The following ARL15 variants were observed in gnomAD, a reference collection of about 807,000 sequenced individuals.
The protein encoded by ARL15 is ARF like GTPase 15.
In ARL15, 19 loss-of-function variants were observed where a neutral mutation model predicts 25.2. The observed-to-expected ratio is 0.75, with a 90% CI of 0.53 to 1.10. ARL15 has a LOEUF of 1.10. ARL15 is among the 50% of genes least tolerant of loss of function. ARL15 has a pLI of 0.00. For missense variants in ARL15, 220 were observed against 246.0 expected (o/e 0.89, Z 0.71); for synonymous variants, 94 against 86.8 (o/e 1.08, Z -0.46).
At chr5:54,025,360 T>C (rs1749759607) in intron 4 of ARL15, among the ~76,000 whole-genome samples, 1 of 148,946 alleles carries the variant, frequency 6.7e-6, no homozygotes, top group South Asian at 2.2e-4. Flanking sequence ...ACAGCAAACC[T>C]AATATCATGG....
At chr5:54,212,695 GC>G (rs1756077581) in intron 1 of ARL15, among the ~76,000 whole-genome samples, 1 of 152,174 alleles carries the variant, frequency 6.6e-6, no homozygotes, top group African/African-American at 2.4e-5. Flanking sequence ...GGCATAATCT[GC>G]TCAAAGAAAA....
intron 4 of ARL15, among the ~76,000 whole-genome samples, chr5:53,989,903 C>A (rs1028983632): frequency 6.6e-6 from 1 of 152,058 alleles, no homozygotes; most frequent in Non-Finnish European, 1.5e-5. Flanking sequence ...AAGAACAGGG[C>A]AGTAATTAGC....
intron 4 of ARL15, among the ~76,000 whole-genome samples, chr5:53,965,605 G>A (rs996240630): frequency 2.6e-5 from 4 of 151,860 alleles, no homozygotes; most frequent in African/African-American, 9.7e-5. Context: ...GTGCATTTTG[G>A]GATTCTATTT....
rs190077499 is a variant in ARL15 at position 53,949,826 on chromosome 5, G to T, written c.463-63113C>A. On this transcript the variant is annotated intron_variant, in intron 4 of 4. Coordinates refer to ENST00000504924, the MANE Select transcript of ARL15 (RefSeq NM_019087.3). ...TTTCTCCAAGTTAGAAATACTATAAGTAACTCTTTCCAAAAGACTGCTCGT... is the reference window on the plus strand; with the variant it reads ...TTTCTCCAAGTTAGAAATACTATAATTAACTCTTTCCAAAAGACTGCTCGT... Among the ~76,000 whole-genome samples, 620 of 152,216 alleles carry T rather than the reference G, an allele frequency of 4.1e-3. 7 individuals carry two copies. The highest frequency in any genetic ancestry group is 0.017 in the South Asian group (82 of 4,824).
intron 1 of ARL15, chr5:54,286,470 C>CTGTGAAA (rs1300303598): frequency 6.6e-6 from 1 of 152,188 alleles, no homozygotes; most frequent in African/African-American, 2.4e-5. Context: ...CACATGATCT[C>CTGTGAAA]TGTGAAATTC....
At chr5:54,084,489 A>G (rs1751900668) in intron 4 of ARL15, among the ~76,000 whole-genome samples, 1 of 151,932 alleles carries the variant, frequency 6.6e-6, no homozygotes, top group African/African-American at 2.4e-5. Context: ...TAAGGGAAAA[A>G]GCACAACAGA....
intron 4 of ARL15, among the ~76,000 whole-genome samples, chr5:54,089,679 A>C (rs552281708): frequency 9.3e-4 from 141 of 152,302 alleles, no homozygotes; most frequent in African/African-American, 3.0e-3. Flanking sequence ...AATCCTATTC[A>C]AAATTGTCCA....
intron 1 of ARL15, among the ~76,000 whole-genome samples, chr5:54,200,017 C>T (rs1033736979): frequency 6.6e-6 from 1 of 151,018 alleles, no homozygotes; most frequent in Non-Finnish European, 1.5e-5. Flanking sequence ...AATTGGAAAT[C>T]ATCACTCTCA....
intron 1 of ARL15, among the ~76,000 whole-genome samples, chr5:54,185,177 C>G (rs1464303736): frequency 6.6e-6 from 1 of 152,146 alleles, no homozygotes; most frequent in African/African-American, 2.4e-5. Context: ...ATACATGGCC[C>G]TCAAGGCAAT....
rs200975809 is a variant in ARL15 at position 53,934,355 on chromosome 5, T to C, written c.463-47642A>G. Among the ~76,000 whole-genome samples the C allele has an allele frequency of 5.9e-5, 9 of 152,248 alleles. No individual in the cohort carries two copies. In the East Asian group the frequency reaches 1.4e-3, roughly 23 times the overall value. On this transcript the variant is annotated intron_variant, in intron 4 of 4. Transcript: ENST00000504924. ...CTGTCATTTCATGAGAAATCTTAAG[T>C]ATGTAACCACATACCAACTTAAAAG...
chr5:53,981,020 C>G (rs943103051), intron 4 of ARL15, among the ~76,000 whole-genome samples: 9 of 152,090 alleles, frequency 5.9e-5, no homozygotes, highest in African/African-American at 2.2e-4. Flanking sequence ...TGCCCTGCCC[C>G]CTTTGCCAGA....
At chr5:53,947,506 A>G (rs1746788097) in intron 4 of ARL15, among the ~76,000 whole-genome samples, 1 of 152,172 alleles carries the variant, frequency 6.6e-6, no homozygotes, top group South Asian at 2.1e-4. Flanking sequence ...CTCCAGAGAT[A>G]TATCTGTGAA....
intron 1 of ARL15, among the ~76,000 whole-genome samples, chr5:54,245,100 C>T (rs947429184): frequency 1.3e-5 from 2 of 152,046 alleles, no homozygotes; most frequent in Non-Finnish European, 2.9e-5. Context: ...CTCCTGACAT[C>T]TTTATAAATT....
At chr5:54,002,713 A>G (rs566418942) in intron 4 of ARL15, among the ~76,000 whole-genome samples, 23 of 152,370 alleles carry the variant, frequency 1.5e-4, no homozygotes, top group Non-Finnish European at 2.5e-4. Flanking sequence ...CTATTAAGTC[A>G]GGACACTGAT....
At chr5:54,175,062 A>T (rs1754826084) in intron 1 of ARL15, among the ~76,000 whole-genome samples, 1 of 152,176 alleles carries the variant, frequency 6.6e-6, no homozygotes, top group African/African-American at 2.4e-5. Flanking sequence ...ACTATCATAA[A>T]CCTTAAATAT....
At chr5:54,245,022 G>A (rs972276579) in intron 1 of ARL15, among the ~76,000 whole-genome samples, 6 of 152,000 alleles carry the variant, frequency 3.9e-5, no homozygotes, top group African/African-American at 9.7e-5. Flanking sequence ...TCAATTCAGC[G>A]GGAGAGGAAT....
intron 1 of ARL15, among the ~76,000 whole-genome samples, chr5:54,292,342 A>C (rs1758355610): frequency 6.6e-6 from 1 of 152,148 alleles, no homozygotes; most frequent in Non-Finnish European, 1.5e-5. Context: ...GGTTGATATA[A>C]AAATCTAACA....
intron 4 of ARL15, among the ~76,000 whole-genome samples, chr5:53,965,274 A>G (rs1159124556): frequency 6.6e-6 from 1 of 152,212 alleles, no homozygotes. Context: ...ATAGTGGTTA[A>G]TAGGACAAAA....
chr5:54,237,872 G>T (rs1011593000), intron 1 of ARL15, among the ~76,000 whole-genome samples: 1 of 152,156 alleles, frequency 6.6e-6, no homozygotes. Flanking sequence ...ACCAAATGGG[G>T]CTGGGCAACC....
Sources: allele counts gnomAD v4.1 joint callset (sites outside exome capture counted in the v4.1 genomes callset), GRCh38; gene constraint gnomAD v4.1.1; transcripts MANE v1.5; gene names NCBI Gene and HGNC (gene_info 2026-07-23, HGNC 2026-07-21).